PTPRM: variants seen among roughly 807,000 people sequenced by gnomAD.
PTPRM encodes protein tyrosine phosphatase receptor type M, also known as receptor-type tyrosine-protein phosphatase mu.
In PTPRM, 47 loss-of-function variants were observed where a neutral mutation model predicts 186.7. The ratio of observed to expected loss-of-function variants is 0.25; its 90% CI spans 0.20 to 0.32. The LOEUF (loss-of-function observed/expected upper bound fraction) is 0.32. PTPRM is among the 10% of genes least tolerant of loss of function. PTPRM has a pLI of 1.00. For synonymous variants in PTPRM, 668 were observed against 674.9 expected (o/e 0.99, Z 0.16); for missense variants, 1,494 against 1,865.0 (o/e 0.80, Z 3.66).
intron 32 of PTPRM, among the ~76,000 whole-genome samples, chr18:8,405,870 G>C (rs1396275359): frequency 6.6e-6 from 1 of 152,180 alleles, no homozygotes; most frequent in Non-Finnish European, 1.5e-5. Context: ...CAAGTGTCCA[G>C]AACCTTCCGG....
At chr18:7,862,784 A>G (rs1479494726) in intron 2 of PTPRM, among the ~76,000 whole-genome samples, 1 of 152,174 alleles carries the variant, frequency 6.6e-6, no homozygotes, top group Non-Finnish European at 1.5e-5. Context: ...TAAAGAGGAC[A>G]TGATTCTTCT....
chr18:7,711,890 G>T (rs2040221886), intron 1 of PTPRM, among the ~76,000 whole-genome samples: 1 of 152,160 alleles, frequency 6.6e-6, no homozygotes, highest in Non-Finnish European at 1.5e-5. Context: ...GGGGGAAGGG[G>T]TGGCTGTGGG....
chr18:7,797,421 C>T (rs1246971077), intron 2 of PTPRM, among the ~76,000 whole-genome samples: 1 of 152,236 alleles, frequency 6.6e-6, no homozygotes, highest in Non-Finnish European at 1.5e-5. Context: ...AGCCTCTCTT[C>T]TCCTTAAGAT....
chr18:7,738,150 T>A (rs1228360958), intron 1 of PTPRM, among the ~76,000 whole-genome samples: 1 of 152,228 alleles, frequency 6.6e-6, no homozygotes, highest in Non-Finnish European at 1.5e-5. Flanking sequence ...CCATGATTTT[T>A]AAATCATTAT....
intron 2 of PTPRM, among the ~76,000 whole-genome samples, chr18:7,852,530 A>G (rs2046912251): frequency 6.6e-6 from 1 of 152,154 alleles, no homozygotes. Flanking sequence ...TACTAAAAAT[A>G]CAAAAAAATT....
At chr18:8,129,993 G>A (rs912242304) in intron 13 of PTPRM, among the ~76,000 whole-genome samples, 2 of 152,134 alleles carry the variant, frequency 1.3e-5, no homozygotes, top group Non-Finnish European at 2.9e-5. Flanking sequence ...GTTCTTCCAT[G>A]TCTCCAATGG....
chr18:8,072,330 T>C (rs1034315340), intron 8 of PTPRM, among the ~76,000 whole-genome samples: 6 of 152,186 alleles, frequency 3.9e-5, no homozygotes, highest in Admixed American at 2.6e-4. Flanking sequence ...AGAACTGTCA[T>C]GAGCTAGGAA....
intron 1 of PTPRM, among the ~76,000 whole-genome samples, chr18:7,598,893 T>C (rs1233709369): frequency 6.6e-6 from 1 of 152,088 alleles, no homozygotes; most frequent in Admixed American, 6.6e-5. Flanking sequence ...TAAAGTCTCA[T>C]TCCTAAAGGA....
chr18:8,047,659 C>T (rs897100929), intron 7 of PTPRM, among the ~76,000 whole-genome samples: 3 of 151,858 alleles, frequency 2.0e-5, no homozygotes, highest in African/African-American at 7.3e-5. Flanking sequence ...TCCACCTTAC[C>T]CTCATCCCCA....
chr18:7,909,337 G>A (rs1485979530), intron 4 of PTPRM, among the ~76,000 whole-genome samples: 1 of 152,130 alleles, frequency 6.6e-6, no homozygotes, highest in Non-Finnish European at 1.5e-5. Context: ...TACCTAATTG[G>A]CTTTGGGAAC....
intron 14 of PTPRM, among the ~76,000 whole-genome samples, chr18:8,149,469 G>C (rs1478492934): frequency 1.3e-5 from 2 of 152,246 alleles, no homozygotes; most frequent in East Asian, 3.9e-4. Context: ...GACTAGGATT[G>C]TAACTCCTGA....
intron 3 of PTPRM, among the ~76,000 whole-genome samples, chr18:7,898,767 C>CTT (rs2146470689): frequency 6.6e-6 from 1 of 152,260 alleles, no homozygotes; most frequent in South Asian, 2.1e-4. Flanking sequence ...GCGTTATCAG[C>CTT]AAAACAGTGA....
At chr18:7,953,639 C>T (rs2053119778) in intron 6 of PTPRM, among the ~76,000 whole-genome samples, 1 of 151,992 alleles carries the variant, frequency 6.6e-6, no homozygotes. Flanking sequence ...ATGACTTATC[C>T]CACCTTGAAT....
intron 4 of PTPRM, among the ~76,000 whole-genome samples, chr18:7,912,121 G>A (rs1390582330): frequency 1.6e-4 from 25 of 151,944 alleles, no homozygotes; most frequent in Admixed American, 1.6e-3. Flanking sequence ...CAAAGTGCTG[G>A]GATTACAGGC....
chr18:8,098,195 C>G (rs1340424219), intron 11 of PTPRM, among the ~76,000 whole-genome samples: 3 of 152,098 alleles, frequency 2.0e-5, no homozygotes. Flanking sequence ...CAGAATATAT[C>G]CCCATCATTA....
At chr18:8,023,869 C>CGT (rs199759277) in intron 7 of PTPRM, among the ~76,000 whole-genome samples, 2 of 101,776 alleles carry the variant, frequency 2.0e-5, no homozygotes, top group African/African-American at 5.5e-5. Context: ...CACACACACA[C>CGT]ACGCACACCC....
chr18:7,903,361 C>T (rs922678736), intron 3 of PTPRM, among the ~76,000 whole-genome samples: 24 of 152,210 alleles, frequency 1.6e-4, no homozygotes, highest in Admixed American at 1.2e-3. Flanking sequence ...TCAGCAGCCA[C>T]CCCTCAGCTG....
At chr18:8,177,065 C>A (rs2093495309) in intron 14 of PTPRM, among the ~76,000 whole-genome samples, 1 of 152,108 alleles carries the variant, frequency 6.6e-6, no homozygotes, top group Non-Finnish European at 1.5e-5. Flanking sequence ...CCATTTTCTC[C>A]TGCCTTTCTG....
intron 5 of PTPRM, among the ~76,000 whole-genome samples, chr18:7,940,630 C>T (rs1239735412): frequency 2.7e-5 from 4 of 149,646 alleles, no homozygotes; most frequent in African/African-American, 4.9e-5. Context: ...GTGGTGCGGC[C>T]ATGGCACAGT....
Sources: allele counts gnomAD v4.1 joint callset (sites outside exome capture counted in the v4.1 genomes callset), GRCh38; gene constraint gnomAD v4.1.1; transcripts MANE v1.5; gene names NCBI Gene and HGNC (gene_info 2026-07-23, HGNC 2026-07-21).